Variants in ROBO2 observed in about 807,000 individuals in gnomAD.
The protein encoded by ROBO2 is roundabout homolog 2.
Under a neutral mutation model 160.8 loss-of-function variants are expected in ROBO2, and 53 were observed. That is an observed-to-expected ratio of 0.33 (90% CI 0.26 to 0.41). The LOEUF is 0.41. Among genes scored for constraint, ROBO2 ranks in the 10% least tolerant of loss-of-function variants. ROBO2 has a pLI of 1.00. For synonymous variants in ROBO2, 664 were observed against 611.7 expected (o/e 1.09, Z -1.26); for missense variants, 1,577 against 1,722.4 (o/e 0.92, Z 1.49).
At chr3:76,413,295 G>A (rs1446451591) in intron 2 of ROBO2, among the ~76,000 whole-genome samples, 3 of 152,146 alleles carry the variant, frequency 2.0e-5, no homozygotes, top group Non-Finnish European at 4.4e-5. Context: ...ATGGTCTTGG[G>A]GATTAACATA....
At chr3:76,669,399 G>A (rs1263267063) in intron 2 of ROBO2, among the ~76,000 whole-genome samples, 1 of 152,140 alleles carries the variant, frequency 6.6e-6, no homozygotes, top group Non-Finnish European at 1.5e-5. Flanking sequence ...TTTTGGCAAA[G>A]AGACCGTACA....
At chr3:76,724,828 G>A (rs1473552025) in intron 2 of ROBO2, among the ~76,000 whole-genome samples, 1 of 152,134 alleles carries the variant, frequency 6.6e-6, no homozygotes, top group African/African-American at 2.4e-5. Context: ...TATTATCCAG[G>A]TGGCCCTAAA....
chr3:76,773,434 C>G (rs554095982), intron 2 of ROBO2, among the ~76,000 whole-genome samples: 1 of 150,792 alleles, frequency 6.6e-6, no homozygotes, highest in Non-Finnish European at 1.5e-5. Context: ...GACAAGATTT[C>G]CATATATACA....
intron 2 of ROBO2, among the ~76,000 whole-genome samples, chr3:76,722,070 T>C (rs998614777): frequency 2.6e-5 from 4 of 152,136 alleles, no homozygotes; most frequent in Non-Finnish European, 4.4e-5. Context: ...TGGAAATGTT[T>C]CCTAAAAATT....
chr3:76,989,914 T>G (rs899880118), intron 2 of ROBO2, among the ~76,000 whole-genome samples: 3 of 152,164 alleles, frequency 2.0e-5, no homozygotes, highest in African/African-American at 7.2e-5. Context: ...CTTTTACACT[T>G]AAAAGGTTGA....
intron 2 of ROBO2, among the ~76,000 whole-genome samples, chr3:76,148,217 C>A (rs534792365): frequency 6.6e-6 from 1 of 151,944 alleles, no homozygotes; most frequent in Non-Finnish European, 1.5e-5. Context: ...AAATATACTA[C>A]CCCCTTAAAA....
chr3:76,171,347 A>G (rs1289335380), intron 2 of ROBO2, among the ~76,000 whole-genome samples: 5 of 152,162 alleles, frequency 3.3e-5, no homozygotes, highest in African/African-American at 1.2e-4. Flanking sequence ...AGAAAAAGAA[A>G]AAAAAAAAAC....
chr3:76,304,750 C>CTT (rs759009928), intron 2 of ROBO2, among the ~76,000 whole-genome samples: 24 of 121,374 alleles, frequency 2.0e-4, no homozygotes, highest in Non-Finnish European at 1.3e-4. Flanking sequence ...TTCTTTCCTT[C>CTT]TTTCTTTCTT....
intron 2 of ROBO2, among the ~76,000 whole-genome samples, chr3:77,229,152 G>A (rs1442264368): frequency 6.6e-6 from 1 of 152,044 alleles, no homozygotes; most frequent in Non-Finnish European, 1.5e-5. Context: ...AGCAGCTATT[G>A]GTTATTGGGA....
intron 2 of ROBO2, among the ~76,000 whole-genome samples, chr3:77,410,605 C>CTCTTCCTCCTCCTCCTCTTCCTCCTCCTG (rs2076662606): frequency 9.0e-6 from 1 of 111,358 alleles, no homozygotes; most frequent in South Asian, 3.6e-4. Context: ...TCCTCCTCCT[C>CTCTTCCTCCTCCTCCTCTTCCTCCTCCTG]CTCTTCCTCC....
intron 2 of ROBO2, among the ~76,000 whole-genome samples, chr3:76,851,234 A>C (rs2069312110): frequency 6.6e-6 from 1 of 152,220 alleles, no homozygotes. Context: ...AAAATCAAAT[A>C]AAATTAAAAA....
intron 2 of ROBO2, among the ~76,000 whole-genome samples, chr3:76,342,091 T>G (rs2074262305): frequency 6.6e-6 from 1 of 152,130 alleles, no homozygotes; most frequent in African/African-American, 2.4e-5. Flanking sequence ...ACAATCTAAT[T>G]AGGTCAACAT....
At chr3:76,487,967 G>A (rs1032881081) in intron 2 of ROBO2, among the ~76,000 whole-genome samples, 2 of 152,136 alleles carry the variant, frequency 1.3e-5, no homozygotes, top group African/African-American at 2.4e-5. Context: ...AATCACAGAA[G>A]TGACATCATT....
chr3:76,675,288 G>A (rs1014094503), intron 2 of ROBO2, among the ~76,000 whole-genome samples: 1 of 152,122 alleles, frequency 6.6e-6, no homozygotes, highest in Non-Finnish European at 1.5e-5. Context: ...AGAAAACAAA[G>A]TCTCTAAAGC....
chr3:76,099,165 C>T (rs973300735), intron 2 of ROBO2, among the ~76,000 whole-genome samples: 1 of 152,074 alleles, frequency 6.6e-6, no homozygotes, highest in Non-Finnish European at 1.5e-5. Flanking sequence ...TACTGCAATT[C>T]CTTGGCAGCC....
chr3:77,222,123 T>C (rs993341788), intron 2 of ROBO2, among the ~76,000 whole-genome samples: 2 of 152,078 alleles, frequency 1.3e-5, no homozygotes, highest in Admixed American at 1.3e-4. Context: ...AGTGCTGGGA[T>C]TACAGGCATG....
At chr3:77,522,407 C>A (rs1482798539) in intron 5 of ROBO2, among the ~76,000 whole-genome samples, 2 of 151,098 alleles carry the variant, frequency 1.3e-5, no homozygotes, top group East Asian at 3.9e-4. Context: ...GTATTGAACA[C>A]AATGTGACTA....
chr3:76,836,622 T>C (rs1204406423), intron 2 of ROBO2, among the ~76,000 whole-genome samples: 2 of 151,808 alleles, frequency 1.3e-5, no homozygotes, highest in Non-Finnish European at 2.9e-5. Context: ...TCTCTTTTGA[T>C]TTTTATTTGA....
rs2093969006 is a variant in ROBO2, at chr3:76,750,638, CTA to C, written c.110-347373_110-347372del. 4.6e-5 allele frequency among the ~76,000 whole-genome samples: 7 copies of C among 152,056 alleles called. No individual in the cohort carries two copies. In the South Asian group the frequency reaches 1.5e-3, roughly 32 times the overall value. On this transcript the variant is annotated intron_variant, in intron 2 of 26. Coordinates refer to the ROBO2 transcript ENST00000487694. ...CAATGTGCAAAAATCACAAGCATTC[CTA>C]TACACCAATAACAGACAAACAGAGA...
Sources: gnomAD v4.1 joint callset for allele counts (sites outside exome capture counted in the v4.1 genomes callset) on GRCh38, gnomAD v4.1.1 for gene constraint, MANE v1.5 for transcripts, NCBI Gene and HGNC (gene_info 2026-07-23, HGNC 2026-07-21) for gene names.